The following TSNARE1 variants were observed in gnomAD, a reference collection of about 807,000 sequenced individuals.
TSNARE1 encodes the protein t-SNARE domain-containing protein 1.
TSNARE1 carries 49 observed loss-of-function variants against 62.0 expected under a neutral mutation model. The ratio of observed to expected loss-of-function variants is 0.79; its 90% CI spans 0.63 to 1.00. The LOEUF (loss-of-function observed/expected upper bound fraction) is 1.00. Ranked by LOEUF, TSNARE1 falls within the 50% of genes least tolerant of loss-of-function variation. The pLI is 0.00. For missense variants in TSNARE1, 755 were observed against 700.1 expected (o/e 1.08, Z -0.88); for synonymous variants, 328 against 294.4 (o/e 1.11, Z -1.17).
intron 6 of TSNARE1, among the ~76,000 whole-genome samples, 153 bp from the exon 7 acceptor site, chr8:142,318,787 C>CA (rs1394366623): frequency 7.2e-5 from 11 of 151,858 alleles, no homozygotes; most frequent in African/African-American, 2.4e-4. Flanking sequence ...GAGAGACACA[C>CA]AGAGACAGAG....
intron 2 of TSNARE1, among the ~76,000 whole-genome samples, chr8:142,354,035 T>C (rs1048540917): frequency 1.3e-5 from 2 of 152,058 alleles, no homozygotes; most frequent in Admixed American, 6.5e-5. Context: ...AAGGGCCGGA[T>C]GTGCAGGCCA....
chr8:142,257,806 C>G (rs1479227059), intron 12 of TSNARE1, among the ~76,000 whole-genome samples: 3 of 152,244 alleles, frequency 2.0e-5, no homozygotes, highest in African/African-American at 7.2e-5. Flanking sequence ...CATGGAGATC[C>G]AGCCGCCTCC....
chr8:142,348,462 A>G (rs1457487537), intron 2 of TSNARE1, among the ~76,000 whole-genome samples: 5 of 144,070 alleles, frequency 3.5e-5, no homozygotes, highest in African/African-American at 1.4e-4. Context: ...GAGAAGGAAC[A>G]CTCCCGGCCG....
intron 12 of TSNARE1, among the ~76,000 whole-genome samples, chr8:142,251,546 C>T (rs979993937): frequency 1.3e-5 from 2 of 152,166 alleles, no homozygotes; most frequent in South Asian, 2.1e-4. Flanking sequence ...AGCAGCACTG[C>T]TCTGGCACCC....
At chr8:142,262,449 G>A (rs1818944955) in intron 12 of TSNARE1, among the ~76,000 whole-genome samples, 1 of 151,948 alleles carries the variant, frequency 6.6e-6, no homozygotes, top group Admixed American at 6.6e-5. Flanking sequence ...TATTTTTGCT[G>A]GTATTATAAA....
intron 9 of TSNARE1, among the ~76,000 whole-genome samples, chr8:142,308,263 G>C (rs564330600): frequency 9.8e-5 from 15 of 152,288 alleles, no homozygotes; most frequent in African/African-American, 3.6e-4. Context: ...GTGCGTCTGT[G>C]TAAGAAATAC....
intron 12 of TSNARE1, chr8:142,270,495 T>TATATATAG: frequency 1.1e-6 from 1 of 900,036 alleles, no homozygotes; most frequent in Non-Finnish European, 1.3e-6. Flanking sequence ...TATATATATA[T>TATATATAG]ATATATATTT....
chr8:142,375,700 G>A (rs1020960693), intron 1 of TSNARE1, among the ~76,000 whole-genome samples: 8 of 152,216 alleles, frequency 5.3e-5, no homozygotes, highest in African/African-American at 1.7e-4. Context: ...AATCCTGCCT[G>A]TGATGCCACC....
At chr8:142,269,664 T>A in intron 12 of TSNARE1, 1 of 985,292 alleles carries the variant, frequency 1.0e-6, no homozygotes, top group Non-Finnish European at 1.2e-6. Flanking sequence ...GAACCCAGAA[T>A]GAAGATCTAC....
At chr8:142,239,076 A>T (rs1179396323) in intron 12 of TSNARE1, among the ~76,000 whole-genome samples, 1 of 152,196 alleles carries the variant, frequency 6.6e-6, no homozygotes, top group African/African-American at 2.4e-5. Context: ...TGTGGGAGCC[A>T]GAGGGCAGGC....
intron 1 of TSNARE1, among the ~76,000 whole-genome samples, chr8:142,374,833 C>T (rs2131097581): frequency 6.6e-6 from 1 of 152,256 alleles, no homozygotes; most frequent in South Asian, 2.1e-4. Context: ...AGGAGAGACT[C>T]AGCTCAGCCT....
chr8:142,390,861 G>GTAACAGACGCTGTACACTGC (rs1837461409), intron 1 of TSNARE1, among the ~76,000 whole-genome samples: 1 of 87,854 alleles, frequency 1.1e-5, no homozygotes, highest in African/African-American at 5.2e-5. Flanking sequence ...GGGGGACTCC[G>GTAACAGACGCTGTACACTGC]TAACAGACGC....
intron 1 of TSNARE1, among the ~76,000 whole-genome samples, chr8:142,365,548 T>C (rs1402877980): frequency 6.6e-6 from 1 of 151,828 alleles, no homozygotes; most frequent in Non-Finnish European, 1.5e-5. Context: ...GCATCACATC[T>C]GCAACTCACT....
At position 142,391,379 on chromosome 8, in the gene TSNARE1, ACT is replaced by A. The variant is rs1479304813; in HGVS notation, c.-40+11723_-40+11724del. On this transcript the variant is annotated intron_variant, in intron 1 of 13. Transcript: ENST00000524325. ...TAACAGACGCTGTACACTGCGGGAG[ACT>A]CTGTAACAGATGCTGTACACTGCTG... Among the ~76,000 whole-genome samples, 4 of 149,962 alleles carry A rather than the reference ACT, an allele frequency of 2.7e-5. No homozygotes were observed. In the East Asian group the frequency reaches 5.9e-4, roughly 22 times the overall value.
intron 1 of TSNARE1, among the ~76,000 whole-genome samples, chr8:142,359,895 C>T (rs1835026938): frequency 6.6e-6 from 1 of 152,248 alleles, no homozygotes; most frequent in African/African-American, 2.4e-5. Context: ...CCAATCACAG[C>T]TGGCATAGCT....
rs374857070 is a variant in TSNARE1, at chr8:142,390,954, A to G, written c.-40+12150T>C. Among the ~76,000 whole-genome samples, 372 of 96,110 alleles carry G rather than the reference A, an allele frequency of 3.9e-3. 5 individuals carry two copies. Among genetic ancestry groups the G allele is most frequent in the Middle Eastern group, 0.021 (3 of 140 alleles). 63.1% of individuals were successfully genotyped at this position (96,110 alleles called of 152,430 possible). A position where few individuals can be genotyped will look rare whatever the true frequency, so the allele number is the denominator to read the frequency against. ...GACGCTGTACACTGCAGGGGACTCT[A>G]TAGCAGACGCTGTACACTGCTGGGG... On this transcript the variant is annotated intron_variant, in intron 1 of 13. Coordinates refer to ENST00000524325, the MANE Select transcript of TSNARE1 (RefSeq NM_145003.5).
chr8:142,336,665 A>G (rs1232229521), intron 4 of TSNARE1, among the ~76,000 whole-genome samples: 1 of 152,230 alleles, frequency 6.6e-6, no homozygotes, highest in East Asian at 1.9e-4. Flanking sequence ...CATAGAGGCC[A>G]CAGAAACTCC....
intron 1 of TSNARE1, among the ~76,000 whole-genome samples, chr8:142,377,237 G>A (rs1836408580): frequency 6.6e-6 from 1 of 152,098 alleles, no homozygotes; most frequent in African/African-American, 2.4e-5. Context: ...ATAGACTAAA[G>A]GGCTACATCA....
Position 142,267,609 on chromosome 8 carries a change from G to A in TSNARE1, c.1446+7172C>T, listed in dbSNP as rs1819202073. On this transcript the variant is annotated intron_variant, in intron 12 of 13. Coordinates refer to ENST00000524325, the MANE Select transcript of TSNARE1 (RefSeq NM_145003.5). ...GCTCTCAGTCTGTCTGTAAAATGGG[G>A]GACCTAGTGAGGGGACCCGGGCTCT... Among the ~76,000 whole-genome samples the A allele has an allele frequency of 2.6e-5, 4 of 152,232 alleles. No homozygotes were observed. The South Asian group carries it at 8.3e-4, about 32-fold the overall frequency.
Sources: gnomAD v4.1 joint callset for allele counts (sites outside exome capture counted in the v4.1 genomes callset) on GRCh38, gnomAD v4.1.1 for gene constraint, MANE v1.5 for transcripts, NCBI Gene and HGNC (gene_info 2026-07-23, HGNC 2026-07-21) for gene names.